PAQR3: variants seen among roughly 807,000 people sequenced by gnomAD.
PAQR3 encodes Raf kinase trapping to Golgi.
Under a neutral mutation model 41.7 loss-of-function variants are expected in PAQR3, and 39 were observed. The ratio of observed to expected loss-of-function variants is 0.93; its 90% confidence interval spans 0.72 to 1.22. PAQR3 has a LOEUF of 1.22. Among genes scored for constraint, PAQR3 ranks in the 50% most tolerant of loss-of-function variants. The probability of loss-of-function intolerance (pLI) is 0.00; values close to 1 mark genes in which losing one functional copy is unlikely to be tolerated. For synonymous variants in PAQR3, 140 were observed against 140.6 expected, an observed-to-expected ratio of 1.00 and a Z score of 0.03; for missense variants, 366 against 385.6, an observed-to-expected ratio of 0.95 and a Z score of 0.42.
chr4:78,902,633 A>G (rs1734069003), intron 11 of PAQR3, among the ~76,000 whole-genome samples: 1 of 152,196 alleles, frequency 6.6e-6, no homozygotes, highest in Admixed American at 6.5e-5. Context: ...TTTATCTTCT[A>G]TAATCTGATA....
Position 78,920,402 on chromosome 4 carries a change from T to C in PAQR3, c.*137A>G, listed in dbSNP as rs1422965075. 1.5e-6 allele frequency: 2 copies of C among 1,308,670 alleles called. No individual in the cohort carries two copies. Among genetic ancestry groups the C allele is most frequent in the Admixed American group, 6.7e-5 (2 of 29,890 alleles). 81.1% of individuals were successfully genotyped at this position (1,308,670 alleles called of 1,614,324 possible). ...ACTACAGATCCTTAAGTATACTTTTTTTCCCATTTTTATAAAGCATTACTC... is the reference window on the plus strand; with the variant it reads ...ACTACAGATCCTTAAGTATACTTTTCTTCCCATTTTTATAAAGCATTACTC... On this transcript the variant is annotated 3_prime_UTR_variant, in exon 6 of 6. Coordinates refer to ENST00000512733, the MANE Select transcript of PAQR3 (RefSeq NM_001040202.2).
rs1333128773 is a variant in PAQR3 at position 78,912,910 on chromosome 4, T to G, written c.*7629A>C. 1 of 152,172 alleles carries G rather than the reference T, an allele frequency of 6.6e-6. No individual in the cohort carries two copies. Among genetic ancestry groups the G allele is most frequent in the Non-Finnish European group, 1.5e-5 (1 of 68,022 alleles). 9.4% of individuals were successfully genotyped at this position (152,172 alleles called of 1,614,324 possible). Reference sequence around the variant, plus strand: ...ACTTTAGAAACACTTTATGCATGGCTTCTTGCCCCAAACTTTTATTGTGAT... The same window carrying G: ...ACTTTAGAAACACTTTATGCATGGCGTCTTGCCCCAAACTTTTATTGTGAT... On this transcript the variant is annotated 3_prime_UTR_variant, in exon 6 of 6. Transcript: ENST00000512733.
At position 78,939,250 on chromosome 4, in the gene PAQR3, G is replaced by A. The variant is rs373317980; in HGVS notation, c.-26C>T. The A allele has an allele frequency of 6.4e-6, 10 of 1,569,018 alleles. No homozygotes were observed. The African/African-American group carries it at 1.1e-4, about 18-fold the overall frequency. Reference sequence around the variant, plus strand: ...CGTTCCCGGCCGCCGCCGCTCCCCGGCTCGGGAGCTCCCCCAGGTCCCGCC... The same window carrying A: ...CGTTCCCGGCCGCCGCCGCTCCCCGACTCGGGAGCTCCCCCAGGTCCCGCC... On this transcript the variant is annotated 5_prime_UTR_variant, in exon 1 of 6. Coordinates refer to ENST00000512733, the MANE Select transcript of PAQR3 (RefSeq NM_001040202.2).
intron 11 of PAQR3, among the ~76,000 whole-genome samples, chr4:78,905,382 A>G (rs1734234565): frequency 6.6e-6 from 1 of 151,956 alleles, no homozygotes. Context: ...TCATTCTACC[A>G]TATTTAGTTA....
intron 3 of PAQR3, among the ~76,000 whole-genome samples, chr4:78,928,975 G>A (rs1249518627): frequency 6.6e-6 from 1 of 152,200 alleles, no homozygotes; most frequent in Non-Finnish European, 1.5e-5. Flanking sequence ...TAGGGTTCGC[G>A]CTGCTGTGAG....
intron 11 of PAQR3, among the ~76,000 whole-genome samples, chr4:78,890,621 A>G (rs1733383467): frequency 6.6e-6 from 1 of 152,032 alleles, no homozygotes; most frequent in African/African-American, 2.4e-5. Context: ...TTGTTTGCTT[A>G]GTTTTTTATG....
chr4:78,896,238 C>G (rs1427882225), intron 11 of PAQR3, among the ~76,000 whole-genome samples: 2 of 152,182 alleles, frequency 1.3e-5, no homozygotes, highest in African/African-American at 4.8e-5. Flanking sequence ...AGCCAGTGAT[C>G]AAACTATCAA....
At chr4:78,929,539 A>G (rs1736603000) in intron 3 of PAQR3, among the ~76,000 whole-genome samples, 1 of 152,232 alleles carries the variant, frequency 6.6e-6, no homozygotes, top group Non-Finnish European at 1.5e-5. Context: ...GCTGCTTTGC[A>G]CAAGGCAAAA....
intron 11 of PAQR3, among the ~76,000 whole-genome samples, chr4:78,905,077 A>G (rs1477817711): frequency 6.6e-6 from 1 of 151,816 alleles, no homozygotes; most frequent in Non-Finnish European, 1.5e-5. Context: ...TCTACTTAGT[A>G]TTATGTTTTG....
chr4:78,898,519 A>T, intron 11 of PAQR3, among the ~76,000 whole-genome samples: 1 of 151,238 alleles, frequency 6.6e-6, no homozygotes. Context: ...GAAGGACTTT[A>T]AAACAGGAAA....
intron 11 of PAQR3, among the ~76,000 whole-genome samples, chr4:78,897,966 G>A (rs1055530815): frequency 6.6e-6 from 1 of 152,204 alleles, no homozygotes; most frequent in Non-Finnish European, 1.5e-5. Flanking sequence ...GGTGCACAAA[G>A]GAGAGAGTTG....
At chr4:78,925,884 T>C (rs1019904232) in intron 4 of PAQR3, among the ~76,000 whole-genome samples, 1 of 152,202 alleles carries the variant, frequency 6.6e-6, no homozygotes, top group Non-Finnish European at 1.5e-5. Flanking sequence ...CTCTTCCTAA[T>C]GCACATCAAC....
chr4:78,927,713 C>T (rs980233850), intron 3 of PAQR3, among the ~76,000 whole-genome samples: 1 of 152,186 alleles, frequency 6.6e-6, no homozygotes, highest in African/African-American at 2.4e-5. Context: ...ACACACACTT[C>T]GCTTAGGTTT....
rs1203109583 is a variant in PAQR3 at position 78,920,328 on chromosome 4, T to C, written c.*211A>G. The C allele has an allele frequency of 3.5e-5, 42 of 1,203,562 alleles. No individual in the cohort carries two copies. Among genetic ancestry groups the C allele is most frequent in the Non-Finnish European group, 4.2e-5 (41 of 969,358 alleles). The allele number at this position is 1,203,562 out of a possible 1,614,324, so 74.6% of individuals were successfully genotyped here. On this transcript the variant is annotated 3_prime_UTR_variant, in exon 6 of 6. Coordinates refer to ENST00000512733, the MANE Select transcript of PAQR3 (RefSeq NM_001040202.2). ...TGATTGCCAACTAATTTTCACTTTCTGTACAAGCAGCAAATTAGTAGTTTT... is the reference window on the plus strand; with the variant it reads ...TGATTGCCAACTAATTTTCACTTTCCGTACAAGCAGCAAATTAGTAGTTTT...
chr4:78,901,173 A>AG (rs1560554227), intron 11 of PAQR3, among the ~76,000 whole-genome samples: 1 of 152,020 alleles, frequency 6.6e-6, no homozygotes, highest in African/African-American at 2.4e-5. Flanking sequence ...CCTCCCAAGT[A>AG]GCTGGGACTA....
Position 78,920,172 on chromosome 4 carries a change from T to C in PAQR3, c.*367A>G. ...AACTTGACAATTAACTGAAAATAAT[T>C]AAGCACATAAGATGACTCCATTTTC... On this transcript the variant is annotated 3_prime_UTR_variant, in exon 6 of 6. Transcript: ENST00000512733. The C allele has an allele frequency of 1.0e-6, 1 of 993,350 alleles. No homozygotes were observed. Among genetic ancestry groups the C allele is most frequent in the South Asian group, 4.7e-5 (1 of 21,420 alleles). 61.5% of individuals were successfully genotyped at this position (993,350 alleles called of 1,614,324 possible). A position where few individuals can be genotyped will look rare whatever the true frequency, so the allele number is the denominator to read the frequency against.
downstream of PAQR3, among the ~76,000 whole-genome samples, chr4:78,908,332 A>G (rs995110152): frequency 6.6e-6 from 1 of 152,240 alleles, no homozygotes; most frequent in South Asian, 2.1e-4. Context: ...TCTTTGCACC[A>G]TCCAGCTCAG....
intron 5 of PAQR3, chr4:78,922,070 T>C (rs1017480158): frequency 2.9e-6 from 3 of 1,034,532 alleles, no homozygotes; most frequent in African/African-American, 3.4e-5. Context: ...GTGTTCTACT[T>C]GTCTTGCTAT....
In PAQR3 at chr4:78,920,474, T is replaced by TG; in HGVS notation, c.*64dup. 1 of 1,474,488 alleles carries TG rather than the reference T, an allele frequency of 6.8e-7. No homozygotes were observed. Among genetic ancestry groups the TG allele is most frequent in the Non-Finnish European group, 9.0e-7 (1 of 1,108,762 alleles). The allele number at this position is 1,474,488 out of a possible 1,614,324, so 91.3% of individuals were successfully genotyped here. A position where few individuals can be genotyped will look rare whatever the true frequency, so the allele number is the denominator to read the frequency against. On this transcript the variant is annotated 3_prime_UTR_variant, in exon 6 of 6. Transcript: ENST00000512733. The stretch of plus-strand genomic sequence containing the variant: ...AAACTAATGGGAATCTTAGAAATAG[T>TG]GGGGTATACAATTCCCCATTATATA...
Sources: allele counts gnomAD v4.1 joint callset (sites outside exome capture counted in the v4.1 genomes callset), GRCh38; gene constraint gnomAD v4.1.1; transcripts MANE v1.5; gene names NCBI Gene and HGNC (gene_info 2026-07-23, HGNC 2026-07-21).